The following MAP3K4 variants were observed in gnomAD, a reference collection of about 807,000 sequenced individuals.
MAP3K4 encodes mitogen-activated protein kinase kinase kinase 4.
In MAP3K4, 67 loss-of-function variants were observed where a neutral mutation model predicts 185.6. The observed-to-expected ratio is 0.36, with a 90% confidence interval of 0.30 to 0.44. The LOEUF (loss-of-function observed/expected upper bound fraction) is 0.44, where lower values mean the gene tolerates loss of function less well. Among genes scored for constraint, MAP3K4 ranks in the 20% least tolerant of loss-of-function variants. The pLI is 1.00. For synonymous variants in MAP3K4, 702 were observed against 710.4 expected (o/e 0.99, Z 0.19); for missense variants, 1,551 against 1,995.1 (o/e 0.78, Z 4.24).
chr6:161,003,205 G>C (rs994944999), intron 1 of MAP3K4, among the ~76,000 whole-genome samples: 1 of 152,134 alleles, frequency 6.6e-6, no homozygotes, highest in African/African-American at 2.4e-5. Flanking sequence ...TTTCTTTCTA[G>C]AAAGGTATTA....
rs1784748916 is a variant in MAP3K4 at position 161,067,163 on chromosome 6, G to A, written c.1708-3445G>A. ...GGACGTCCTGACTATGTGTGCCCAA[G>A]GTGGTCAGGGCACAGCTTGGTTTTA... is the stretch of plus-strand genomic sequence containing the variant. On this transcript the variant is annotated intron_variant, in intron 3 of 26. Coordinates refer to ENST00000392142, the MANE Select transcript of MAP3K4 (RefSeq NM_005922.4). The surrounding 1 kb of genome is among the most constrained non-coding windows in gnomAD (Gnocchi z 6.3). The A allele has an allele frequency of 3.3e-6, 1 of 304,364 alleles. No homozygotes were observed. The allele number at this position is 304,364 out of a possible 1,614,324, so 18.9% of individuals were successfully genotyped here. A position where few individuals can be genotyped will look rare whatever the true frequency, so the allele number is the denominator to read the frequency against.
rs914863757 is a variant in MAP3K4, at chr6:161,077,561, T to TG, written c.2098-3315dup. The stretch of plus-strand genomic sequence containing the variant: ...CTCCAGCTGCAGGTGGAGAGTAGGC[T>TG]GGGGGTCCAGAGCAGATGTGAGAGG... On this transcript the variant is annotated intron_variant, in intron 5 of 26. Coordinates refer to ENST00000392142, the MANE Select transcript of MAP3K4 (RefSeq NM_005922.4). The surrounding 1 kb of genome is among the most constrained non-coding windows in gnomAD (Gnocchi z 4.3). Among the ~76,000 whole-genome samples the TG allele has an allele frequency of 9.5e-4, 145 of 152,278 alleles. No individual in the cohort carries two copies. The highest frequency in any genetic ancestry group is 3.4e-3 in the African/African-American group (141 of 41,566).
At chr6:161,090,768 G>C (rs1037407006) in intron 11 of MAP3K4, among the ~76,000 whole-genome samples, 1 of 98,300 alleles carries the variant, frequency 1.0e-5, no homozygotes, top group African/African-American at 2.9e-5. Flanking sequence ...CCTCTTGGAT[G>C]TGGACGTTTG....
rs1269612966 is a variant in MAP3K4, at chr6:161,108,348, G to C, written c.4119+379G>C. ...ACAAGTGGCATTGAAACCGCTGGAG[G>C]TAGGATGGGGAAAGGGCCAGGGAAC... On this transcript the variant is annotated intron_variant, in intron 21 of 26. Coordinates refer to ENST00000392142, the MANE Select transcript of MAP3K4 (RefSeq NM_005922.4). The surrounding 1 kb of genome is among the most constrained non-coding windows in gnomAD (Gnocchi z 5.7). Among the ~76,000 whole-genome samples the C allele has an allele frequency of 6.6e-6, 1 of 152,230 alleles. No homozygotes were observed. The highest frequency in any genetic ancestry group is 1.5e-5 in the Non-Finnish European group (1 of 68,032).
intron 3 of MAP3K4, among the ~76,000 whole-genome samples, chr6:161,060,143 G>A (rs1226105322): frequency 6.6e-6 from 1 of 151,968 alleles, no homozygotes; most frequent in Non-Finnish European, 1.5e-5. Flanking sequence ...GAAAAGTGAG[G>A]ATATTCTAAT....
chr6:161,021,894 T>G (rs1244845467), intron 1 of MAP3K4, among the ~76,000 whole-genome samples: 1 of 151,524 alleles, frequency 6.6e-6, no homozygotes, highest in Non-Finnish European at 1.5e-5. Flanking sequence ...CACCTGTAAG[T>G]AAATCAATCA....
At chr6:161,078,569 G>A (rs1785287003) in intron 5 of MAP3K4, among the ~76,000 whole-genome samples, 1 of 152,176 alleles carries the variant, frequency 6.6e-6, no homozygotes, top group South Asian at 2.1e-4. Flanking sequence ...AGGAGGAGAG[G>A]GGGCTTTATT....
In MAP3K4 at chr6:161,058,757, G is replaced by T. The variant is rs992750427; in HGVS notation, c.1707+8778G>T. On this transcript the variant is annotated intron_variant, in intron 3 of 26. Coordinates refer to ENST00000392142, the MANE Select transcript of MAP3K4 (RefSeq NM_005922.4). ...TGTCTACTTTGGATCTGTCCTTGTA[G>T]ATATATATATATATATATAGCTCTC... is the stretch of plus-strand genomic sequence containing the variant. Among the ~76,000 whole-genome samples the T allele has an allele frequency of 8.1e-4, 118 of 146,374 alleles. 1 individual carries two copies. The highest frequency in any genetic ancestry group is 2.6e-3 in the African/African-American group (106 of 40,008).
In MAP3K4 at chr6:161,114,429, G is replaced by C. The variant is rs1023702080; in HGVS notation, c.4627-694G>C. 1.3e-5 allele frequency among the ~76,000 whole-genome samples: 2 copies of C among 152,220 alleles called. No homozygotes were observed. The highest frequency in any genetic ancestry group is 2.9e-5 in the Non-Finnish European group (2 of 68,030). On this transcript the variant is annotated intron_variant, in intron 25 of 26. Transcript: ENST00000392142. This position sits in a 1 kb window ranked among gnomAD's most constrained non-coding sequence, Gnocchi z 4.3. ...TATAATGTAGCTATGCCTTGCAGCT[G>C]CTGAAACAGATCACATATAAGTGCT...
At position 161,034,058 on chromosome 6, in the gene MAP3K4, G is replaced by A. The variant is rs1441309567; in HGVS notation, c.153-201G>A. Among the ~76,000 whole-genome samples the A allele has an allele frequency of 2.0e-5, 3 of 152,074 alleles. No homozygotes were observed. The highest frequency in any genetic ancestry group is 4.8e-5 in the African/African-American group (2 of 41,398). On this transcript the variant is annotated intron_variant, in intron 1 of 26. Coordinates refer to ENST00000392142, the MANE Select transcript of MAP3K4 (RefSeq NM_005922.4). This position sits in a 1 kb window ranked among gnomAD's most constrained non-coding sequence, Gnocchi z 4.4. The stretch of plus-strand genomic sequence containing the variant: ...ACTCCTTGTTCATGGTAGGAGAAGC[G>A]GCAGTCACAATTATTACTCTCTTCA...
At position 161,070,419 on chromosome 6, in the gene MAP3K4, C is replaced by T. The variant is rs924575885; in HGVS notation, c.1708-189C>T. Among the ~76,000 whole-genome samples, 3 of 152,088 alleles carry T rather than the reference C, an allele frequency of 2.0e-5. No individual in the cohort carries two copies. Among genetic ancestry groups the T allele is most frequent in the African/African-American group, 7.2e-5 (3 of 41,422 alleles). ...ATTATGGTTTCCAGCATTCTTAGAA[C>T]TTTTTGGATCTATGTTGAAAATGTT... On this transcript the variant is annotated intron_variant, in intron 3 of 26. Coordinates refer to ENST00000392142, the MANE Select transcript of MAP3K4 (RefSeq NM_005922.4). The surrounding 1 kb of genome is among the most constrained non-coding windows in gnomAD (Gnocchi z 4.5).
intron 2 of MAP3K4, among the ~76,000 whole-genome samples, chr6:161,041,780 T>C (rs914595034): frequency 6.6e-6 from 1 of 152,136 alleles, no homozygotes; most frequent in Non-Finnish European, 1.5e-5. Flanking sequence ...CATAGAGAGT[T>C]GACGAGCAGA....
intron 1 of MAP3K4, among the ~76,000 whole-genome samples, chr6:161,016,129 G>A (rs1340526583): frequency 6.6e-6 from 1 of 152,014 alleles, no homozygotes; most frequent in Admixed American, 6.6e-5. Flanking sequence ...TTTTTCCAGT[G>A]GTGGTGATTA....
At chr6:160,997,247 A>C (rs28385633) in intron 1 of MAP3K4, among the ~76,000 whole-genome samples, 13,763 of 151,974 alleles carry the variant, frequency 0.091, 793 homozygotes, top group African/African-American at 0.17. Flanking sequence ...TCTCCCCATA[A>C]TCTCTGTCCC....
chr6:161,087,657 TC>T lies in MAP3K4; in HGVS notation c.2557-29del. The T allele has an allele frequency of 6.2e-7, 1 of 1,610,410 alleles. No individual in the cohort carries two copies. Among genetic ancestry groups the T allele is most frequent in the Non-Finnish European group, 8.5e-7 (1 of 1,178,630 alleles). On this transcript the variant is annotated intron_variant, in intron 9 of 26. Coordinates refer to ENST00000392142, the MANE Select transcript of MAP3K4 (RefSeq NM_005922.4). This position sits in a 1 kb window ranked among gnomAD's most constrained non-coding sequence, Gnocchi z 4.9. ...AACCTATTTCTCTAATGTACAGTGTTCCTTAAGATTTTGGATTATGTCTTTT... is the reference window on the plus strand; with the variant it reads ...AACCTATTTCTCTAATGTACAGTGTTCTTAAGATTTTGGATTATGTCTTTT...
chr6:161,019,803 C>T (rs1023273224), intron 1 of MAP3K4, among the ~76,000 whole-genome samples: 3 of 152,042 alleles, frequency 2.0e-5, no homozygotes, highest in Non-Finnish European at 4.4e-5. Flanking sequence ...TTAACTGTTA[C>T]TAGATAAAAT....
At chr6:161,004,964 T>A (rs1228584321) in intron 1 of MAP3K4, among the ~76,000 whole-genome samples, 5 of 152,214 alleles carry the variant, frequency 3.3e-5, no homozygotes, top group Admixed American at 3.3e-4. Flanking sequence ...ATTTTAGTTT[T>A]GTATCAGTAT....
chr6:161,039,288 A>C (rs1269113894), intron 2 of MAP3K4, among the ~76,000 whole-genome samples: 1 of 151,682 alleles, frequency 6.6e-6, no homozygotes, highest in Non-Finnish European at 1.5e-5. Context: ...GCAAAAAAAA[A>C]AAAAAAAAAA....
In MAP3K4 at chr6:161,084,603, T is replaced by C. The variant is rs757611159; in HGVS notation, c.2358T>C (p.Ala786=). ...EFWTSADDSS[A]SDEIRRSVIE... ...GGACTAGTGCGGATGACAGCAGTGC[T>C]TCCGACGAAATCAGGTTGGAGTTGT... Residue 786 remains alanine, a synonymous_variant, in exon 7 of 27, where the codon GCT becomes GCC. Transcript: ENST00000392142. The surrounding 1 kb of genome is among the most constrained non-coding windows in gnomAD (Gnocchi z 4.6). The C allele has an allele frequency of 6.2e-6, 10 of 1,600,232 alleles. No individual in the cohort carries two copies. The South Asian group carries it at 1.1e-4, about 18-fold the overall frequency.
Sources: gnomAD v4.1 joint callset for allele counts (sites outside exome capture counted in the v4.1 genomes callset) on GRCh38, gnomAD v4.1.1 for gene constraint, Gnocchi (gnomAD v3.1) non-coding constraint, MANE v1.5 for transcripts, NCBI Gene and HGNC (gene_info 2026-07-23, HGNC 2026-07-21) for gene names.